The following ZMAT3 variants were observed in gnomAD, a reference collection of about 807,000 sequenced individuals.
ZMAT3 encodes zinc finger matrin-type 3.
Under a neutral mutation model 32.3 loss-of-function variants are expected in ZMAT3, and 17 were observed. The observed-to-expected ratio is 0.53, with a 90% CI of 0.36 to 0.79. The LOEUF is 0.79. ZMAT3 is among the 30% of genes least tolerant of loss of function. The probability of loss-of-function intolerance (pLI) is 0.00; values close to 1 mark genes in which losing one functional copy is unlikely to be tolerated. For missense variants in ZMAT3, 329 were observed against 359.7 expected (o/e 0.91, Z 0.69); for synonymous variants, 120 against 133.1 (o/e 0.90, Z 0.68).
intron 2 of ZMAT3, among the ~76,000 whole-genome samples, chr3:179,041,962 C>T (rs530506822): frequency 2.6e-5 from 4 of 152,260 alleles, no homozygotes; most frequent in East Asian, 3.9e-4. Flanking sequence ...AACACCTCTA[C>T]GCAAACGAAC....
At chr3:179,054,857 T>C (rs1450965251) in intron 2 of ZMAT3, among the ~76,000 whole-genome samples, 2 of 152,220 alleles carry the variant, frequency 1.3e-5, no homozygotes, top group African/African-American at 4.8e-5. Flanking sequence ...CTTGCCATTG[T>C]TCCCACACGG....
At chr3:179,061,391 G>A (rs988265138) in intron 2 of ZMAT3, among the ~76,000 whole-genome samples, 3 of 152,038 alleles carry the variant, frequency 2.0e-5, no homozygotes, top group Non-Finnish European at 2.9e-5. Flanking sequence ...TAAAATCTCC[G>A]GGAAATACAA....
intron 2 of ZMAT3, among the ~76,000 whole-genome samples, chr3:179,044,743 A>G (rs1720137913): frequency 6.6e-6 from 1 of 152,186 alleles, no homozygotes; most frequent in African/African-American, 2.4e-5. Context: ...ACATGGATGG[A>G]GCTGGAAACC....
chr3:179,067,886 A>G, intron 1 of ZMAT3, 77 bp from the exon 2 acceptor site: 1 of 1,318,628 alleles, frequency 7.6e-7, no homozygotes, highest in Non-Finnish European at 1.0e-6. Flanking sequence ...GTAAATGACA[A>G]CATAATCTGA....
At chr3:179,060,712 C>T (rs1346486420) in intron 2 of ZMAT3, among the ~76,000 whole-genome samples, 1 of 152,106 alleles carries the variant, frequency 6.6e-6, no homozygotes, top group Non-Finnish European at 1.5e-5. Context: ...AAAGGATCTA[C>T]TAGTGCTGAC....
intron 2 of ZMAT3, among the ~76,000 whole-genome samples, chr3:179,056,729 T>G (rs1460345788): frequency 6.6e-6 from 1 of 152,206 alleles, no homozygotes; most frequent in Non-Finnish European, 1.5e-5. Context: ...CTTACTCTCC[T>G]GTCCCAGACA....
At position 179,023,786 on chromosome 3, in the gene ZMAT3, T is replaced by TCTCGG. The variant is rs1718697076; in HGVS notation, c.*1226_*1230dup. 1 of 124,840 alleles carries TCTCGG rather than the reference T, an allele frequency of 8.0e-6. No homozygotes were observed. The highest frequency in any genetic ancestry group is 2.9e-4 in the South Asian group (1 of 3,432). 7.7% of individuals were successfully genotyped at this position (124,840 alleles called of 1,614,324 possible). ...CCCAGGCTGGAGTGCAGTGGCGCGA[T>TCTCGG]CTCGGCTCACTGCAAGCTCCGCCTC... On this transcript the variant is annotated 3_prime_UTR_variant, in exon 6 of 6. Coordinates refer to ENST00000311417, the MANE Select transcript of ZMAT3 (RefSeq NM_022470.4).
chr3:179,061,034 T>G (rs1185986111), intron 2 of ZMAT3, among the ~76,000 whole-genome samples: 1 of 142,162 alleles, frequency 7.0e-6, no homozygotes, highest in Non-Finnish European at 1.5e-5. Context: ...AAAAAATTAT[T>G]TCCCATTACT....
intron 2 of ZMAT3, among the ~76,000 whole-genome samples, chr3:179,041,945 T>C (rs1168475300): frequency 6.6e-6 from 1 of 152,168 alleles, no homozygotes; most frequent in African/African-American, 2.4e-5. Context: ...CATCAGTGAA[T>C]ACTATAAACA....
rs184072609 is a variant in ZMAT3 at position 179,058,612 on chromosome 3, C to T, written c.270+8871G>A. Among the ~76,000 whole-genome samples, 1,128 of 151,928 alleles carry T rather than the reference C, an allele frequency of 7.4e-3. 11 individuals carry two copies. The highest frequency in any genetic ancestry group is 0.026 in the African/African-American group (1,086 of 41,456). ...TCTACTAAAAATACAAAAAATTAGCCGGGGGTAGTGGCGGGCGCCTGTAGT... is the reference window on the plus strand; with the variant it reads ...TCTACTAAAAATACAAAAAATTAGCTGGGGGTAGTGGCGGGCGCCTGTAGT... On this transcript the variant is annotated intron_variant, in intron 2 of 5. Transcript: ENST00000311417.
At chr3:179,069,505 T>C (rs528497971) in intron 1 of ZMAT3, among the ~76,000 whole-genome samples, 3 of 152,304 alleles carry the variant, frequency 2.0e-5, no homozygotes, top group Middle Eastern at 3.4e-3. Context: ...TCTTGGTCAA[T>C]AGAATATGGC....
intron 3 of ZMAT3, among the ~76,000 whole-genome samples, chr3:179,028,546 T>C (rs1719006011): frequency 6.6e-6 from 1 of 152,228 alleles, no homozygotes; most frequent in South Asian, 2.1e-4. Flanking sequence ...AAGGGAAGTT[T>C]TTTCTGGGGT....
chr3:179,067,846 C>A, intron 1 of ZMAT3, 37 bp from the exon 2 acceptor site: 3 of 1,526,900 alleles, frequency 2.0e-6, no homozygotes, highest in Non-Finnish European at 2.6e-6. Flanking sequence ...AAAAAACTCA[C>A]TTGAAAATCA....
intron 2 of ZMAT3, among the ~76,000 whole-genome samples, chr3:179,034,527 T>C (rs923403463): frequency 1.3e-5 from 2 of 152,240 alleles, no homozygotes; most frequent in South Asian, 2.1e-4. Flanking sequence ...CTCTAGGTTA[T>C]TCTACCCAGA....
At chr3:179,062,015 G>A (rs967845356) in intron 2 of ZMAT3, among the ~76,000 whole-genome samples, 8 of 152,192 alleles carry the variant, frequency 5.3e-5, no homozygotes, top group African/African-American at 1.4e-4. Context: ...AAAAGGTAGG[G>A]AATGGGTGGA....
chr3:179,039,077 C>A (rs1290718765), intron 2 of ZMAT3, among the ~76,000 whole-genome samples: 1 of 152,250 alleles, frequency 6.6e-6, no homozygotes, highest in East Asian at 1.9e-4. Flanking sequence ...CTGGGCAGAG[C>A]CCACCACAGC....
Position 179,017,832 on chromosome 3 carries a change from C to A in ZMAT3, c.*7185G>T, listed in dbSNP as rs1485098781. The A allele has an allele frequency of 6.6e-6, 1 of 152,112 alleles. No homozygotes were observed. Among genetic ancestry groups the A allele is most frequent in the African/African-American group, 2.4e-5 (1 of 41,422 alleles). The allele number at this position is 152,112 out of a possible 1,614,324, so 9.4% of individuals were successfully genotyped here. ...TCTAGAGCATATTTCCAAGGAGAAG[C>A]AACTTATTGTCCCAGCAGATATATG... is the stretch of plus-strand genomic sequence containing the variant. On this transcript the variant is annotated 3_prime_UTR_variant, in exon 6 of 6. Coordinates refer to ENST00000311417, the MANE Select transcript of ZMAT3 (RefSeq NM_022470.4).
intron 2 of ZMAT3, among the ~76,000 whole-genome samples, chr3:179,053,134 A>C (rs976016597): frequency 9.9e-5 from 15 of 152,010 alleles, no homozygotes; most frequent in African/African-American, 3.6e-4. Context: ...TCTCAAAAAA[A>C]TAAAATAAAA....
intron 2 of ZMAT3, among the ~76,000 whole-genome samples, chr3:179,045,020 AAAGT>A (rs1403959988): frequency 6.6e-6 from 1 of 152,000 alleles, no homozygotes; most frequent in Admixed American, 6.6e-5. Flanking sequence ...CCCAGAACTT[AAAGT>A]ATAATAAAAA....
Sources: gnomAD v4.1 joint callset for allele counts (sites outside exome capture counted in the v4.1 genomes callset) on GRCh38, gnomAD v4.1.1 for gene constraint, MANE v1.5 for transcripts, NCBI Gene and HGNC (gene_info 2026-07-23, HGNC 2026-07-21) for gene names.